Variants in MYO19 observed in about 807,000 individuals in gnomAD.
The protein encoded by MYO19 is unconventional myosin-XIX.
MYO19 carries 132 observed loss-of-function variants against 129.2 expected under a neutral mutation model. The ratio of observed to expected loss-of-function variants is 1.02; its 90% CI spans 0.89 to 1.18. MYO19 has a LOEUF of 1.18. Among genes scored for constraint, MYO19 ranks in the 50% most tolerant of loss-of-function variants. MYO19 has a pLI of 0.00. For synonymous variants in MYO19, 531 were observed against 477.2 expected (o/e 1.11, Z -1.47); for missense variants, 1,210 against 1,216.7 (o/e 0.99, Z 0.08).
At chr17:36,527,847 T>G in intron 4 of MYO19, 148 bp from the exon 5 acceptor site, 1 of 1,122,258 alleles carries the variant, frequency 8.9e-7, no homozygotes, top group East Asian at 2.6e-5. Flanking sequence ...AGATACAAGA[T>G]CTAATTAAGA....
intron 23 of MYO19, chr17:36,499,658 T>C (rs1599207039): frequency 5.0e-5 from 7 of 139,682 alleles, no homozygotes; most frequent in African/African-American, 9.5e-5. Flanking sequence ...CTTTTTCTTT[T>C]TGTTTCTTTT....
chr17:36,527,167 A>T (rs2411192), intron 5 of MYO19, among the ~76,000 whole-genome samples: 42,275 of 148,084 alleles, frequency 0.29, 7,277 homozygotes, highest in Non-Finnish European at 0.4. Flanking sequence ...ACTCCATCTC[A>T]AAATAAATAA....
chr17:36,526,380 T>A (rs994985522), intron 5 of MYO19, among the ~76,000 whole-genome samples: 2 of 152,102 alleles, frequency 1.3e-5, no homozygotes, highest in African/African-American at 4.8e-5. Flanking sequence ...CCCCAAGACC[T>A]CCCTCCTGCC....
upstream of MYO19, chr17:36,538,519 C>T (rs2074174836): frequency 1.2e-6 from 2 of 1,613,694 alleles, no homozygotes; most frequent in African/African-American, 1.3e-5. Context: ...CACAGCAGTA[C>T]CTTGTGGGCC....
At chr17:36,498,007 A>G (rs1191121050) in intron 25 of MYO19, 2 of 483,258 alleles carry the variant, frequency 4.1e-6, no homozygotes, top group Non-Finnish European at 7.3e-6. Flanking sequence ...GCATTTGGAA[A>G]TGGGACTAGA....
chr17:36,505,255 A>G (rs1428520909), intron 19 of MYO19, 42 bp downstream of exon 19: 2 of 1,552,464 alleles, frequency 1.3e-6, no homozygotes, highest in African/African-American at 2.7e-5. Flanking sequence ...CCTTGGCCAG[A>G]TGGGGTTTGG....
chr17:36,504,912 CAAAAA>C (rs35146983), intron 19 of MYO19: 384 of 187,848 alleles, frequency 2.0e-3, no homozygotes, highest in South Asian at 3.6e-3. Flanking sequence ...GGCTCAGTCT[CAAAAA>C]AAAAAAAAAA....
Position 36,510,732 on chromosome 17 carries a change from G to A in MYO19, c.1157+14C>T. On this transcript the variant is annotated intron_variant, in intron 13 of 25. Coordinates refer to ENST00000614623, the MANE Select transcript of MYO19 (RefSeq NM_001163735.2). ...CGGGGTCCTCCCCAACAAGGGGCCAGAGTAACTGCTCACCGCGCATAGATC... is the reference window on the plus strand; with the variant it reads ...CGGGGTCCTCCCCAACAAGGGGCCAAAGTAACTGCTCACCGCGCATAGATC... 1 of 1,584,620 alleles carries A rather than the reference G, an allele frequency of 6.3e-7. No homozygotes were observed. Among genetic ancestry groups the A allele is most frequent in the Non-Finnish European group, 8.6e-7 (1 of 1,161,100 alleles).
intron 7 of MYO19, among the ~76,000 whole-genome samples, 173 bp from the exon 8 acceptor site, chr17:36,515,355 G>A (rs1007602306): frequency 6.6e-6 from 1 of 152,138 alleles, no homozygotes; most frequent in Non-Finnish European, 1.5e-5. Flanking sequence ...TCATGCTTTA[G>A]CAAGTGGGAT....
At chr17:36,514,709 T>A (rs2072619870) in intron 8 of MYO19, among the ~76,000 whole-genome samples, 161 bp from the exon 9 acceptor site, 1 of 152,166 alleles carries the variant, frequency 6.6e-6, no homozygotes, top group Non-Finnish European at 1.5e-5. Context: ...AGAATGTCCT[T>A]GGGTGTCCTG....
At chr17:36,497,547 TTCC>T in intron 25 of MYO19, 1 of 985,280 alleles carries the variant, frequency 1.0e-6, no homozygotes, top group Non-Finnish European at 1.2e-6. Flanking sequence ...TCGTGAATTT[TTCC>T]TCTTTTCTGT....
upstream of MYO19, chr17:36,537,169 C>G (rs1247135774): frequency 1.2e-6 from 2 of 1,614,142 alleles, no homozygotes; most frequent in Admixed American, 3.3e-5. Flanking sequence ...CTGGAAATCA[C>G]CCAGGGATTG....
intron 13 of MYO19, among the ~76,000 whole-genome samples, chr17:36,510,218 C>T (rs1197924650): frequency 3.9e-5 from 6 of 152,308 alleles, no homozygotes; most frequent in Middle Eastern, 3.4e-3. Flanking sequence ...AACCACATGG[C>T]CAGAGGGTGG....
At position 36,507,579 on chromosome 17, in the gene MYO19, C is replaced by T. The variant is rs974922378; in HGVS notation, c.1354-67G>A. On this transcript the variant is annotated intron_variant, in intron 15 of 25. Coordinates refer to ENST00000614623, the MANE Select transcript of MYO19 (RefSeq NM_001163735.2). ...GTCTGATGTCCTGACGGGCCATCCA[C>T]GGCTGGCCTCGGTACCACAGCGTAT... 1.0e-4 allele frequency: 150 copies of T among 1,490,580 alleles called. 1 individual carries two copies. In the African/African-American group the frequency reaches 1.7e-3, roughly 17 times the overall value. The allele number at this position is 1,490,580 out of a possible 1,614,324, so 92.3% of individuals were successfully genotyped here.
Position 36,495,669 on chromosome 17 carries a change from A to C in MYO19, c.*582T>G. On this transcript the variant is annotated 3_prime_UTR_variant, in exon 26 of 26. Transcript: ENST00000614623. ...AAATGTTTTACTTTTGGTACAGTTGATAGACATCATAAACGATATCAAGCT... is the reference window on the plus strand; with the variant it reads ...AAATGTTTTACTTTTGGTACAGTTGCTAGACATCATAAACGATATCAAGCT... 1 of 1,280,594 alleles carries C rather than the reference A, an allele frequency of 7.8e-7. No individual in the cohort carries two copies. Among genetic ancestry groups the C allele is most frequent in the Non-Finnish European group, 9.8e-7 (1 of 1,016,776 alleles). The allele number at this position is 1,280,594 out of a possible 1,614,324, so 79.3% of individuals were successfully genotyped here.
chr17:36,514,612 C>T, intron 8 of MYO19, 64 bp from the exon 9 acceptor site: 1 of 1,118,444 alleles, frequency 8.9e-7, no homozygotes, highest in South Asian at 1.3e-5. Flanking sequence ...GTCTGGCAAT[C>T]TGGGTGTGCC....
chr17:36,510,706 T>C (rs768511655), intron 13 of MYO19, 40 bp downstream of exon 13: 30 of 1,545,816 alleles, frequency 1.9e-5, no homozygotes, highest in African/African-American at 2.7e-5. Context: ...AGAGCACTTG[T>C]CGGGGTCCTC....
At chr17:36,508,942 A>T in intron 14 of MYO19, 120 bp downstream of exon 14, 1 of 799,168 alleles carries the variant, frequency 1.3e-6, no homozygotes, top group Non-Finnish European at 2.1e-6. Context: ...ATGCAAGAGG[A>T]GACAAAAAAG....
Position 36,495,820 on chromosome 17 carries a change from A to G in MYO19, c.*431T>C. Reference sequence around the variant, plus strand: ...TAAATAAATCAACTAATTAAATACTAAAGTTTTGTTCCTTTTTAAAGGAAA... The same window carrying G: ...TAAATAAATCAACTAATTAAATACTGAAGTTTTGTTCCTTTTTAAAGGAAA... On this transcript the variant is annotated 3_prime_UTR_variant, in exon 26 of 26. Transcript: ENST00000614623. 1.6e-6 allele frequency: 2 copies of G among 1,241,912 alleles called. No homozygotes were observed. The highest frequency in any genetic ancestry group is 8.1e-5 in the South Asian group (2 of 24,798). 76.9% of individuals were successfully genotyped at this position (1,241,912 alleles called of 1,614,324 possible).
Sources: gnomAD v4.1 joint callset for allele counts (sites outside exome capture counted in the v4.1 genomes callset) on GRCh38, gnomAD v4.1.1 for gene constraint, MANE v1.5 for transcripts, NCBI Gene and HGNC (gene_info 2026-07-23, HGNC 2026-07-21) for gene names.